GMDS: variants seen among roughly 807,000 people sequenced by gnomAD.
GMDS encodes GDP-mannose 4,6 dehydratase.
GMDS carries 20 observed loss-of-function variants against 49.9 expected under a neutral mutation model. The observed-to-expected ratio is 0.40, with a 90% CI of 0.28 to 0.58. The LOEUF is 0.58. GMDS is among the 20% of genes least tolerant of loss of function. GMDS has a pLI of 0.42. For synonymous variants in GMDS, 177 were observed against 178.6 expected, an observed-to-expected ratio of 0.99 and a Z score of 0.07; for missense variants, 362 against 481.4, an observed-to-expected ratio of 0.75 and a Z score of 2.32.
chr6:1,980,720 A>G (rs370530423), intron 4 of GMDS, among the ~76,000 whole-genome samples: 1 of 152,236 alleles, frequency 6.6e-6, no homozygotes, highest in Admixed American at 6.5e-5. Context: ...TATTTACAGA[A>G]CTGTCCACCC....
At chr6:2,176,066 A>G (rs1324847841) in intron 1 of GMDS, 9 of 1,259,286 alleles carry the variant, frequency 7.1e-6, no homozygotes, top group Non-Finnish European at 8.9e-6. Context: ...AGATGTGACT[A>G]CAGCTAAATG....
chr6:2,086,310 C>T (rs969888771), intron 4 of GMDS, among the ~76,000 whole-genome samples: 9 of 152,210 alleles, frequency 5.9e-5, no homozygotes, highest in African/African-American at 2.2e-4. Context: ...TTCTTTTCAT[C>T]CCTCTACTAG....
chr6:1,786,085 T>C (rs1186641779), intron 7 of GMDS, among the ~76,000 whole-genome samples: 1 of 152,250 alleles, frequency 6.6e-6, no homozygotes, highest in African/African-American at 2.4e-5. Flanking sequence ...GATATTCCAG[T>C]GCCGTCCGAG....
At chr6:2,096,173 T>G (rs905274838) in intron 4 of GMDS, among the ~76,000 whole-genome samples, 13 of 152,054 alleles carry the variant, frequency 8.5e-5, no homozygotes, top group Admixed American at 3.3e-4. Context: ...ATTATATAAC[T>G]CTCCTCCAGT....
intron 4 of GMDS, among the ~76,000 whole-genome samples, chr6:2,016,941 T>C (rs531352118): frequency 2.1e-4 from 32 of 151,838 alleles, no homozygotes; most frequent in South Asian, 8.3e-4. Flanking sequence ...TAAACACTTA[T>C]AGAAAGAGCA....
intron 9 of GMDS, among the ~76,000 whole-genome samples, chr6:1,672,235 A>C (rs1238018560): frequency 2.6e-5 from 4 of 152,196 alleles, no homozygotes; most frequent in African/African-American, 9.6e-5. Context: ...GTTTTCCCAA[A>C]TGATAAAGGC....
intron 9 of GMDS, among the ~76,000 whole-genome samples, chr6:1,629,734 C>T (rs1479166632): frequency 6.6e-6 from 1 of 152,164 alleles, no homozygotes; most frequent in Non-Finnish European, 1.5e-5. Flanking sequence ...TGCATGGTGC[C>T]TAATGGGCAC....
chr6:1,799,957 C>T (rs549448630), intron 7 of GMDS, among the ~76,000 whole-genome samples: 4 of 152,122 alleles, frequency 2.6e-5, no homozygotes, highest in Non-Finnish European at 5.9e-5. Flanking sequence ...GTCATTCATA[C>T]CTTAATGTCT....
Position 2,191,828 on chromosome 6 carries a change from G to A in GMDS, c.102+53493C>T, listed in dbSNP as rs947017360. 1.3e-5 allele frequency among the ~76,000 whole-genome samples: 2 copies of A among 152,164 alleles called. No individual in the cohort carries two copies. The highest frequency in any genetic ancestry group is 4.8e-5 in the African/African-American group (2 of 41,422). On this transcript the variant is annotated intron_variant, in intron 1 of 10. Coordinates refer to ENST00000380815, the MANE Select transcript of GMDS (RefSeq NM_001500.4). This position sits in a 1 kb window ranked among gnomAD's most constrained non-coding sequence, Gnocchi z 4.6. The stretch of plus-strand genomic sequence containing the variant: ...AAGCAGACAGGCTCCGGGGTGGAAG[G>A]GGGTAGGTCCCTGGTGAGACCCCAC...
chr6:2,169,979 C>G (rs1454873696), intron 1 of GMDS, among the ~76,000 whole-genome samples: 1 of 151,912 alleles, frequency 6.6e-6, no homozygotes, highest in Non-Finnish European at 1.5e-5. Context: ...CAAGGTGGGC[C>G]GATCACCTGA....
chr6:1,724,786 C>T (rs762072919), intron 9 of GMDS, among the ~76,000 whole-genome samples: 3 of 152,196 alleles, frequency 2.0e-5, no homozygotes, highest in Non-Finnish European at 4.4e-5. Context: ...GCATCTTCCT[C>T]CCTGAGGGCC....
chr6:1,783,798 A>G (rs1769204976), intron 7 of GMDS, among the ~76,000 whole-genome samples: 1 of 152,218 alleles, frequency 6.6e-6, no homozygotes, highest in African/African-American at 2.4e-5. Context: ...GCTCATTCAC[A>G]TTAATAAGCT....
At chr6:1,974,851 T>G (rs1764806853) in intron 4 of GMDS, among the ~76,000 whole-genome samples, 1 of 144,162 alleles carries the variant, frequency 6.9e-6, no homozygotes, top group Non-Finnish European at 1.5e-5. Flanking sequence ...GCCAACATGG[T>G]GAAATCCCGT....
At chr6:1,893,046 C>G (rs1302226625) in intron 7 of GMDS, among the ~76,000 whole-genome samples, 2 of 152,168 alleles carry the variant, frequency 1.3e-5, no homozygotes, top group Non-Finnish European at 2.9e-5. Context: ...AAGTGCAAGG[C>G]AAAGAACTGG....
intron 4 of GMDS, among the ~76,000 whole-genome samples, chr6:1,972,110 C>T (rs545003502): frequency 6.6e-6 from 1 of 152,330 alleles, no homozygotes; most frequent in African/African-American, 2.4e-5. Flanking sequence ...TTCTTTGCCA[C>T]TTCCACAACC....
At chr6:2,006,067 G>A (rs555319033) in intron 4 of GMDS, among the ~76,000 whole-genome samples, 1 of 152,134 alleles carries the variant, frequency 6.6e-6, no homozygotes, top group South Asian at 2.1e-4. Context: ...TTCCAGACAA[G>A]CATGTCCAGC....
chr6:1,997,296 T>G lies in GMDS; in HGVS notation c.346-36330A>C, dbSNP rs186987951. On this transcript the variant is annotated intron_variant, in intron 4 of 10. Coordinates refer to ENST00000380815, the MANE Select transcript of GMDS (RefSeq NM_001500.4). ...AGGCCAAGGTGGGCAAATCACGAGG[T>G]CAGGAGACGGAAACCATCCTGGCCA... Among the ~76,000 whole-genome samples the G allele has an allele frequency of 2.6e-5, 4 of 151,770 alleles. No individual in the cohort carries two copies. The East Asian group carries it at 7.8e-4, about 30-fold the overall frequency.
rs56088586 is a variant in GMDS, at chr6:1,927,948, T to C, written c.771+2155A>G. Among the ~76,000 whole-genome samples, 1,418 of 152,358 alleles carry C rather than the reference T, an allele frequency of 9.3e-3. 23 individuals are homozygous for C. The highest frequency in any genetic ancestry group is 0.033 in the African/African-American group (1,354 of 41,582). On this transcript the variant is annotated intron_variant, in intron 7 of 10. Transcript: ENST00000380815. Reference sequence around the variant, plus strand: ...AAGCACTATCAACATTATGGTATACTGTTTCCCTCACTATCAAAATCTATT... The same window carrying C: ...AAGCACTATCAACATTATGGTATACCGTTTCCCTCACTATCAAAATCTATT...
intron 4 of GMDS, among the ~76,000 whole-genome samples, chr6:1,990,874 G>A (rs560529315): frequency 1.3e-5 from 2 of 152,018 alleles, no homozygotes; most frequent in South Asian, 4.2e-4. Flanking sequence ...ATAAGCCTCC[G>A]TGCCCGGCCA....
Sources: allele counts gnomAD v4.1 joint callset (sites outside exome capture counted in the v4.1 genomes callset), GRCh38; gene constraint gnomAD v4.1.1; non-coding constraint Gnocchi (gnomAD v3.1); transcripts MANE v1.5; gene names NCBI Gene and HGNC (gene_info 2026-07-23, HGNC 2026-07-21).